The following MED15 variants were observed in gnomAD, a reference collection of about 807,000 sequenced individuals.
MED15 encodes mediator complex subunit 15.
MED15 carries 41 observed loss-of-function variants against 118.7 expected under a neutral mutation model. That is an observed-to-expected ratio of 0.35 (90% CI 0.27 to 0.45). The LOEUF (loss-of-function observed/expected upper bound fraction) is 0.45. Among genes scored for constraint, MED15 ranks in the 20% least tolerant of loss-of-function variants. The probability of loss-of-function intolerance (pLI) is 1.00; values close to 1 mark genes in which losing one functional copy is unlikely to be tolerated. For missense variants in MED15, 740 were observed against 1,025.5 expected, an observed-to-expected ratio of 0.72 and a Z score of 3.80; for synonymous variants, 436 against 413.9, an observed-to-expected ratio of 1.05 and a Z score of -0.65.
At chr22:20,560,812 T>C (rs1416648096) in intron 5 of MED15, among the ~76,000 whole-genome samples, 4 of 152,202 alleles carry the variant, frequency 2.6e-5, no homozygotes, top group Non-Finnish European at 5.9e-5. Context: ...CAATGAGCAG[T>C]GACAGAGTTG....
Position 20,533,192 on chromosome 22 carries a change from A to G in MED15, c.69-3925A>G, listed in dbSNP as rs372775626. On this transcript the variant is annotated intron_variant, in intron 1 of 17. Transcript: ENST00000263205. ...CTCCCGCAGCGGGTGTGTTAGGTCT[A>G]AGGGAGGAAGGAAGGGGACTTGACC... 6.6e-5 allele frequency among the ~76,000 whole-genome samples: 10 copies of G among 152,158 alleles called. No individual in the cohort carries two copies. The East Asian group carries it at 9.7e-4, about 15-fold the overall frequency.
At chr22:20,527,712 C>T (rs2054700122) in intron 1 of MED15, among the ~76,000 whole-genome samples, 1 of 152,030 alleles carries the variant, frequency 6.6e-6, no homozygotes. Context: ...AATCCTAGCA[C>T]TTTTGGGAGG....
At chr22:20,525,863 C>G (rs534470831) in intron 1 of MED15, among the ~76,000 whole-genome samples, 1 of 151,804 alleles carries the variant, frequency 6.6e-6, no homozygotes, top group Non-Finnish European at 1.5e-5. Flanking sequence ...AGCTATTGTT[C>G]GCTGAGTATT....
At chr22:20,535,848 C>T (rs1435950851) in intron 1 of MED15, among the ~76,000 whole-genome samples, 8 of 143,788 alleles carry the variant, frequency 5.6e-5, no homozygotes, top group East Asian at 2.1e-4. Flanking sequence ...CGTGAGCCAC[C>T]GTGCTCAGCC....
Position 20,582,458 on chromosome 22 carries a change from G to C in MED15, c.1273-153G>C, listed in dbSNP as rs558406491. ...GCTGTGTGCCAGGCTGGGGGAGTGT[G>C]CCTGTGTGTATGTCCAGGTGGCATT... On this transcript the variant is annotated intron_variant, in intron 9 of 17. Coordinates refer to ENST00000263205, the MANE Select transcript of MED15 (RefSeq NM_001003891.3). 56 of 1,224,022 alleles carry C rather than the reference G, an allele frequency of 4.6e-5. 1 individual carries two copies. In the South Asian group the frequency reaches 7.7e-4, roughly 17 times the overall value. 75.8% of individuals were successfully genotyped at this position (1,224,022 alleles called of 1,614,324 possible). A position where few individuals can be genotyped will look rare whatever the true frequency, so the allele number is the denominator to read the frequency against.
chr22:20,560,407 G>T (rs1231354756), intron 5 of MED15, among the ~76,000 whole-genome samples: 1 of 152,144 alleles, frequency 6.6e-6, no homozygotes, highest in Non-Finnish European at 1.5e-5. Context: ...TGGGACTACA[G>T]GCGCGCGCCA....
intron 5 of MED15, among the ~76,000 whole-genome samples, chr22:20,560,367 C>T (rs1416035725): frequency 1.3e-5 from 2 of 152,042 alleles, no homozygotes; most frequent in Admixed American, 6.6e-5. Flanking sequence ...CAGGTTCAAG[C>T]GATTCTCCTG....
At chr22:20,532,939 A>C (rs1377870083) in intron 1 of MED15, among the ~76,000 whole-genome samples, 1 of 151,584 alleles carries the variant, frequency 6.6e-6, no homozygotes, top group Admixed American at 6.6e-5. Flanking sequence ...TGTGCTCCTT[A>C]CTCCATGTTG....
intron 9 of MED15, chr22:20,582,267 C>A: frequency 2.5e-6 from 1 of 400,214 alleles, no homozygotes; most frequent in Non-Finnish European, 4.6e-6. Context: ...GCAGGCGTGT[C>A]AGGGAAGGCC....
chr22:20,578,950 G>T (rs948140340), intron 9 of MED15, among the ~76,000 whole-genome samples: 2 of 152,228 alleles, frequency 1.3e-5, no homozygotes, highest in African/African-American at 4.8e-5. Context: ...TCCTGTTACG[G>T]TGGGCATGCC....
intron 8 of MED15, among the ~76,000 whole-genome samples, chr22:20,573,428 C>CTGAA (rs1417671508): frequency 6.6e-6 from 1 of 152,224 alleles, no homozygotes; most frequent in Non-Finnish European, 1.5e-5. Context: ...AGCTACTGTA[C>CTGAA]TGAAGCCTTG....
At chr22:20,512,052 G>A (rs1435674154) in intron 1 of MED15, among the ~76,000 whole-genome samples, 3 of 145,582 alleles carry the variant, frequency 2.1e-5, no homozygotes, top group African/African-American at 7.8e-5. Context: ...GCAGTGGTAC[G>A]ATGATAGCTC....
At position 20,586,678 on chromosome 22, in the gene MED15, C is replaced by T. The variant is rs750920308; in HGVS notation, c.2341C>T (p.His781Tyr). ...ALLNTWAQSV[H>Y]QACLSAA ...GCTCAACACCTGGGCCCAGAGCGTCCACCAGGCCTGCCTCTCAGCCGCCTA... is the reference window on the plus strand; with the variant it reads ...GCTCAACACCTGGGCCCAGAGCGTCTACCAGGCCTGCCTCTCAGCCGCCTA... Residue 781 changes from histidine to tyrosine, a missense_variant, in exon 18 of 18, where the codon CAC (histidine) becomes TAC (tyrosine). This residue lies in a region of MED15 where 179 missense variants were observed against 259.0 expected (regional missense o/e 0.69). Coordinates refer to ENST00000263205, the MANE Select transcript of MED15 (RefSeq NM_001003891.3). 3 of 1,612,654 alleles carry T rather than the reference C, an allele frequency of 1.9e-6. No individual in the cohort carries two copies. Among genetic ancestry groups the T allele is most frequent in the Non-Finnish European group, 2.5e-6 (3 of 1,179,950 alleles).
intron 4 of MED15, 45 bp from the exon 5 acceptor site, chr22:20,554,891 C>G: frequency 6.5e-7 from 1 of 1,540,760 alleles, no homozygotes; most frequent in South Asian, 1.2e-5. Flanking sequence ...CATGGTCAGT[C>G]TGGTAGGCCC....
chr22:20,582,108 C>T (rs1174534591), intron 9 of MED15: 1 of 189,742 alleles, frequency 5.3e-6, no homozygotes, highest in Admixed American at 6.3e-5. Context: ...CATGTGTTAA[C>T]CACAACAGAT....
At chr22:20,573,248 G>A (rs955589032) in intron 8 of MED15, among the ~76,000 whole-genome samples, 2 of 152,182 alleles carry the variant, frequency 1.3e-5, no homozygotes, top group Non-Finnish European at 2.9e-5. Flanking sequence ...AATTACAGGC[G>A]TAAGCCACTG....
intron 8 of MED15, among the ~76,000 whole-genome samples, chr22:20,569,323 A>C (rs2146608581): frequency 6.6e-6 from 1 of 152,206 alleles, no homozygotes; most frequent in East Asian, 1.9e-4. Context: ...CTGGGGCTTC[A>C]GTTTTTCCTC....
chr22:20,508,654 G>A (rs189663216), intron 1 of MED15, among the ~76,000 whole-genome samples: 97 of 152,270 alleles, frequency 6.4e-4, no homozygotes, highest in Non-Finnish European at 1.1e-3. Context: ...TAAGGGTGGG[G>A]GAGATTACAA....
chr22:20,508,242 C>A lies in MED15; in HGVS notation c.68+496C>A, dbSNP rs1054854762. 8 of 1,272,494 alleles carry A rather than the reference C, an allele frequency of 6.3e-6. No individual in the cohort carries two copies. In the African/African-American group the frequency reaches 1.1e-4, roughly 17 times the overall value. The allele number at this position is 1,272,494 out of a possible 1,614,324, so 78.8% of individuals were successfully genotyped here. A position where few individuals can be genotyped will look rare whatever the true frequency, so the allele number is the denominator to read the frequency against. On this transcript the variant is annotated intron_variant, in intron 1 of 17. Transcript: ENST00000263205. The stretch of plus-strand genomic sequence containing the variant: ...GGTGGGACGGAGGATCTGAGGGTGA[C>A]CCCCCGAAGGAATGTGGACTTTGCC...
Sources: allele counts gnomAD v4.1 joint callset (sites outside exome capture counted in the v4.1 genomes callset), GRCh38; gene constraint gnomAD v4.1.1; regional missense constraint gnomAD v4.1.1; transcripts MANE v1.5; gene names NCBI Gene and HGNC (gene_info 2026-07-23, HGNC 2026-07-21).